The following KNG1 variants were observed in gnomAD, a reference collection of about 807,000 sequenced individuals.
KNG1 encodes the protein kininogen 1.
Under a neutral mutation model 47.8 loss-of-function variants are expected in KNG1, and 23 were observed. The observed-to-expected ratio is 0.48, with a 90% CI of 0.35 to 0.68. KNG1 has a LOEUF of 0.68. KNG1 is among the 30% of genes least tolerant of loss of function. The probability of loss-of-function intolerance (pLI) is 0.01; values close to 1 mark genes in which losing one functional copy is unlikely to be tolerated. For synonymous variants in KNG1, 277 were observed against 277.0 expected (o/e 1.00, Z 0.00); for missense variants, 762 against 790.2 (o/e 0.96, Z 0.43).
Position 186,743,709 on chromosome 3 carries a change from A to G in KNG1, c.*1378A>G. ...TGCGTTTTACTATACTTACAGAGTC[A>G]CCTAAGGTCCTGCGAGTACAAGGGT... On this transcript the variant is annotated 3_prime_UTR_variant, in exon 10 of 10. Transcript: ENST00000644859. 3 of 1,612,792 alleles carry G rather than the reference A, an allele frequency of 1.9e-6. No homozygotes were observed. In the South Asian group the frequency reaches 3.3e-5, roughly 18 times the overall value.
rs762183606 is a variant in KNG1 at position 186,739,395 on chromosome 3, A to G, written c.1106A>G (p.Asn369Ser). The G allele has an allele frequency of 7.5e-6, 12 of 1,608,680 alleles. No individual in the cohort carries two copies. In the Admixed American group the frequency reaches 1.3e-4, roughly 18 times the overall value. The change falls in exon 9 of 10, where the codon AAC (asparagine) becomes AGC (serine). Residue 369 changes from asparagine (N) to serine (S), a missense_variant. By Grantham distance (46) the Asn-to-Ser change is conservative. Transcript: ENST00000644859. ...GAGAAAAAAATTTACCCTACTGTCA[A>G]CTGTCAACCACTGGGAATGGTATGA... ...PWEKKIYPTV[N>S]CQPLGMISLM...
intron 1 of KNG1, among the ~76,000 whole-genome samples, chr3:186,718,768 A>G (rs1277405355): frequency 6.6e-6 from 1 of 152,172 alleles, no homozygotes; most frequent in Non-Finnish European, 1.5e-5. Flanking sequence ...GAATGAGGTT[A>G]ATGTGATTCT....
intron 3 of KNG1, among the ~76,000 whole-genome samples, chr3:186,723,121 CT>C (rs5030001): frequency 3.3e-5 from 5 of 151,742 alleles, no homozygotes; most frequent in South Asian, 2.1e-4. Flanking sequence ...TCTTCTTTTT[CT>C]TTTTTTCTTT....
rs373838314 is a variant in KNG1, at chr3:186,732,627, G to T, written c.883G>T (p.Ala295Ser). 1 of 1,613,860 alleles carries T rather than the reference G, an allele frequency of 6.2e-7. No homozygotes were observed. Among genetic ancestry groups the T allele is most frequent in the African/African-American group, 1.3e-5 (1 of 74,922 alleles). Residue 295 changes from alanine (A) to serine (S), a missense_variant, in exon 7 of 10, where the codon GCA becomes TCA. Ala to Ser is a moderately conservative substitution (Grantham distance 99, BLOSUM62 1). Coordinates refer to ENST00000644859, the MANE Select transcript of KNG1 (RefSeq NM_001102416.3). ...TITKLNAENN[A>S]TFYFKIDNVK... ...CACAAAGCTTAATGCAGAGAATAAC[G>T]CAACTTTCTATTTCAAGATTGACAA... is the stretch of plus-strand genomic sequence containing the variant.
At position 186,732,538 on chromosome 3, in the gene KNG1, T is replaced by C; in HGVS notation, c.794T>C (p.Val265Ala). Residue 265 changes from valine to alanine, a missense_variant, in exon 7 of 10, where the codon GTG becomes GCG. Coordinates refer to ENST00000644859, the MANE Select transcript of KNG1 (RefSeq NM_001102416.3). ...GTACAACCACCTACCAAGATTTGCG[T>C]GGGCTGCCCCAGAGATATACCCACC... is the stretch of plus-strand genomic sequence containing the variant. ...DFVQPPTKIC[V>A]GCPRDIPTNS... 6.2e-7 allele frequency: 1 copy of C among 1,614,174 alleles called. No homozygotes were observed.
intron 7 of KNG1, among the ~76,000 whole-genome samples, chr3:186,733,798 A>G (rs1318333105): frequency 1.3e-5 from 2 of 152,120 alleles, no homozygotes; most frequent in Admixed American, 1.3e-4. Context: ...GAGAAACCTC[A>G]TCTCTACTAA....
At position 186,743,096 on chromosome 3, in the gene KNG1, T is replaced by A; in HGVS notation, c.*765T>A. On this transcript the variant is annotated 3_prime_UTR_variant, in exon 10 of 10. Coordinates refer to ENST00000644859, the MANE Select transcript of KNG1 (RefSeq NM_001102416.3). ...AAGTCAAAAATTTCTGTTTACTCAT[T>A]AACTACTCTTTGCAACAGGCTTTCA... 8.3e-6 allele frequency: 2 copies of A among 240,598 alleles called. No homozygotes were observed. The highest frequency in any genetic ancestry group is 1.3e-5 in the Non-Finnish European group (2 of 148,834). The allele number at this position is 240,598 out of a possible 1,614,324, so 14.9% of individuals were successfully genotyped here. A position where few individuals can be genotyped will look rare whatever the true frequency, so the allele number is the denominator to read the frequency against.
Position 186,717,584 on chromosome 3 carries a change from A to G in KNG1, c.42A>G (p.Leu14=), listed in dbSNP as rs773522257. 1 of 1,612,672 alleles carries G rather than the reference A, an allele frequency of 6.2e-7. No individual in the cohort carries two copies. Among genetic ancestry groups the G allele is most frequent in the Non-Finnish European group, 8.5e-7 (1 of 1,179,250 alleles). Residue 14 remains leucine, a synonymous_variant, in exon 1 of 10, where the codon CTA becomes CTG. Coordinates refer to ENST00000644859, the MANE Select transcript of KNG1 (RefSeq NM_001102416.3). ...ITILFLCSRL[L]LSLTQESQSE... Reference sequence around the variant, plus strand: ...TCCTTTTCCTCTGCTCCAGGCTGCTACTAAGTTTAACCCAGGAATCACAGT... The same window carrying G: ...TCCTTTTCCTCTGCTCCAGGCTGCTGCTAAGTTTAACCCAGGAATCACAGT...
In KNG1 at chr3:186,742,053, A is replaced by G. The variant is rs146785701; in HGVS notation, c.1657A>G (p.Lys553Glu). 1.4e-4 allele frequency: 221 copies of G among 1,613,962 alleles called. 1 individual carries two copies. In the East Asian group the frequency reaches 4.9e-3, roughly 36 times the overall value. Residue 553 changes from lysine (K) to glutamate (E), a missense_variant, in exon 10 of 10, where the codon AAG (lysine) becomes GAG (glutamate). Lys to Glu is a moderately conservative substitution (Grantham distance 56, BLOSUM62 1). Coordinates refer to ENST00000644859, the MANE Select transcript of KNG1 (RefSeq NM_001102416.3). ...GCCAACACCCATCCCTTCCCTAGCC[A>G]AGCCAGGTGTAACAGTTACCTTTTC... ...EGPTPIPSLA[K>E]PGVTVTFSDF... is the part of the protein sequence containing the mutation.
intron 7 of KNG1, among the ~76,000 whole-genome samples, chr3:186,735,542 C>A (rs150706921): frequency 3.7e-4 from 56 of 151,940 alleles, no homozygotes; most frequent in Middle Eastern, 3.4e-3. Context: ...CACTTAAACT[C>A]GGGAGGCGGA....
intron 9 of KNG1, among the ~76,000 whole-genome samples, chr3:186,739,910 G>T (rs1341135659): frequency 6.6e-6 from 1 of 151,962 alleles, no homozygotes; most frequent in African/African-American, 2.4e-5. Flanking sequence ...CAATTAGCTG[G>T]GTGTGGTGGC....
chr3:186,731,352 T>C (rs189049070), intron 5 of KNG1, among the ~76,000 whole-genome samples, 193 bp from the exon 6 acceptor site: 1 of 152,214 alleles, frequency 6.6e-6, no homozygotes, highest in East Asian at 1.9e-4. Flanking sequence ...TGTATATGCA[T>C]GTATTTGTTG....
In KNG1 at chr3:186,743,098, A is replaced by G. The variant is rs538340752; in HGVS notation, c.*767A>G. On this transcript the variant is annotated 3_prime_UTR_variant, in exon 10 of 10. Transcript: ENST00000644859. The stretch of plus-strand genomic sequence containing the variant: ...GTCAAAAATTTCTGTTTACTCATTA[A>G]CTACTCTTTGCAACAGGCTTTCATA... 12 of 239,858 alleles carry G rather than the reference A, an allele frequency of 5.0e-5. No individual in the cohort carries two copies. The highest frequency in any genetic ancestry group is 7.4e-5 in the Non-Finnish European group (11 of 148,266). The allele number at this position is 239,858 out of a possible 1,614,324, so 14.9% of individuals were successfully genotyped here.
chr3:186,729,336 A>G (rs1720451100), intron 5 of KNG1, among the ~76,000 whole-genome samples: 2 of 152,228 alleles, frequency 1.3e-5, no homozygotes, highest in South Asian at 4.1e-4. Context: ...TATGCCCAAA[A>G]GAACTGGAAA....
At chr3:186,738,103 A>G (rs1338677369) in intron 7 of KNG1, among the ~76,000 whole-genome samples, 3 of 152,028 alleles carry the variant, frequency 2.0e-5, no homozygotes, top group Admixed American at 6.6e-5. Context: ...AGCCTGTCAA[A>G]TAGCTGTCAA....
chr3:186,725,562 T>TTTTTTTTTTTTTTTTTTTTTTTTA (rs1720339476), intron 4 of KNG1, among the ~76,000 whole-genome samples: 1 of 142,732 alleles, frequency 7.0e-6, no homozygotes, highest in African/African-American at 2.6e-5. Context: ...TTTTTTTTTT[T>TTTTTTTTTTTTTTTTTTTTTTTTA]GAGACAGAGT....
chr3:186,738,846 C>CA (rs750081275), intron 7 of KNG1: 16,326 of 299,304 alleles, frequency 0.055, 32 homozygotes, highest in Non-Finnish European at 0.066. Context: ...AACTCCATCT[C>CA]AAAAAAAAAA....
intron 7 of KNG1, chr3:186,735,862 C>T (rs1163151163): frequency 2.0e-5 from 3 of 152,256 alleles, no homozygotes; most frequent in Non-Finnish European, 4.4e-5. Flanking sequence ...AGGCTGGACT[C>T]GAACTCCTGG....
chr3:186,726,074 G>A (rs937696312), intron 4 of KNG1, among the ~76,000 whole-genome samples: 5 of 151,882 alleles, frequency 3.3e-5, no homozygotes, highest in Non-Finnish European at 7.4e-5. Context: ...GGGATTACAG[G>A]CGCTCATCAC....
Sources: gnomAD v4.1 joint callset for allele counts (sites outside exome capture counted in the v4.1 genomes callset) on GRCh38, gnomAD v4.1.1 for gene constraint, MANE v1.5 for transcripts, NCBI Gene and HGNC (gene_info 2026-07-23, HGNC 2026-07-21) for gene names.